CPM: variants seen among roughly 807,000 people sequenced by gnomAD.
CPM encodes the protein renal carboxypeptidase.
CPM carries 35 observed loss-of-function variants against 46.4 expected under a neutral mutation model. That is an observed-to-expected ratio of 0.75 (90% CI 0.58 to 1.00). The LOEUF is 1.00. Ranked by LOEUF, CPM falls within the 50% of genes least tolerant of loss-of-function variation. The pLI, the probability that CPM is intolerant of heterozygous loss-of-function variation, is 0.00. For synonymous variants in CPM, 195 were observed against 195.3 expected (o/e 1.00, Z 0.01); for missense variants, 422 against 530.4 (o/e 0.80, Z 2.01).
intron 2 of CPM, among the ~76,000 whole-genome samples, chr12:68,901,637 T>A (rs1021736124): frequency 1.1e-4 from 17 of 152,234 alleles, no homozygotes; most frequent in African/African-American, 4.1e-4. Context: ...CACTCAGTCA[T>A]TAATCTAGCA....
At position 68,855,525 on chromosome 12, in the gene CPM, C is replaced by T. The variant is rs1053750418; in HGVS notation, c.*912G>A. ...CTTAATTGACCTGTATGCTTTGAAG[C>T]TCTATAGAGACACAATCTTATCCCT... On this transcript the variant is annotated 3_prime_UTR_variant, in exon 9 of 9. Transcript: ENST00000551568. The T allele has an allele frequency of 6.6e-6, 1 of 152,090 alleles. No homozygotes were observed. The highest frequency in any genetic ancestry group is 1.5e-5 in the Non-Finnish European group (1 of 68,052). The allele number at this position is 152,090 out of a possible 1,614,324, so 9.4% of individuals were successfully genotyped here. A position where few individuals can be genotyped will look rare whatever the true frequency, so the allele number is the denominator to read the frequency against.
At chr12:68,889,797 C>T (rs538127000) in intron 2 of CPM, among the ~76,000 whole-genome samples, 3 of 152,282 alleles carry the variant, frequency 2.0e-5, no homozygotes, top group East Asian at 3.9e-4. Flanking sequence ...AGTCCCAAGG[C>T]GCAAGTCCAC....
upstream of CPM, chr12:68,963,303 G>A (rs1889153325): frequency 5.6e-6 from 1 of 177,444 alleles, no homozygotes; most frequent in Non-Finnish European, 1.1e-5. Context: ...CACTCCATCT[G>A]TTAAAGTTAC....
intron 2 of CPM, among the ~76,000 whole-genome samples, chr12:68,929,787 T>G (rs961429380): frequency 6.6e-6 from 1 of 152,132 alleles, no homozygotes. Flanking sequence ...ATCAAGAGGA[T>G]AGAATACTAA....
intron 2 of CPM, among the ~76,000 whole-genome samples, chr12:68,907,578 T>C (rs561727274): frequency 1.3e-5 from 2 of 152,298 alleles, no homozygotes; most frequent in East Asian, 1.9e-4. Flanking sequence ...ATGGTTTTAA[T>C]GACAAGGGAA....
In CPM at chr12:68,856,347, G is replaced by T; in HGVS notation, c.*90C>A. 10 of 1,398,436 alleles carry T rather than the reference G, an allele frequency of 7.2e-6. No individual in the cohort carries two copies. Among genetic ancestry groups the T allele is most frequent in the Non-Finnish European group, 9.8e-6 (10 of 1,022,820 alleles). The allele number at this position is 1,398,436 out of a possible 1,614,324, so 86.6% of individuals were successfully genotyped here. A position where few individuals can be genotyped will look rare whatever the true frequency, so the allele number is the denominator to read the frequency against. On this transcript the variant is annotated 3_prime_UTR_variant, in exon 9 of 9. Transcript: ENST00000551568. ...AGATCGTGGAGTTTCTCCAGTCAAG[G>T]TCCCACTAGAGTGAGTTAGGGTTGC...
chr12:68,874,896 T>C (rs560307032), intron 3 of CPM, among the ~76,000 whole-genome samples: 4 of 152,204 alleles, frequency 2.6e-5, no homozygotes, highest in South Asian at 4.1e-4. Context: ...CTCTCCAGCA[T>C]GCAAACAATC....
chr12:68,885,188 A>G (rs12819135), intron 3 of CPM, among the ~76,000 whole-genome samples: 1 of 152,100 alleles, frequency 6.6e-6, no homozygotes, highest in Non-Finnish European at 1.5e-5. Context: ...CAAGTGATCT[A>G]CCTGCCTTGG....
chr12:68,933,315 A>C (rs1592709446), upstream of CPM: 1 of 151,116 alleles, frequency 6.6e-6, no homozygotes, highest in East Asian at 2.0e-4. Flanking sequence ...CACCTAGGAG[A>C]GACGGCGCCC....
intron 7 of CPM, among the ~76,000 whole-genome samples, chr12:68,861,708 A>G (rs2136220096): frequency 6.6e-6 from 1 of 151,790 alleles, no homozygotes; most frequent in Admixed American, 6.6e-5. Context: ...TTGTATTTTT[A>G]GTAGAGACAG....
chr12:68,935,996 G>A (rs1318648907), upstream of CPM, among the ~76,000 whole-genome samples: 1 of 152,182 alleles, frequency 6.6e-6, no homozygotes, highest in Non-Finnish European at 1.5e-5. Context: ...ATGAGCTATA[G>A]TTGAAATTGC....
At chr12:68,883,710 G>A (rs936302789) in intron 3 of CPM, among the ~76,000 whole-genome samples, 1 of 152,050 alleles carries the variant, frequency 6.6e-6, no homozygotes, top group Non-Finnish European at 1.5e-5. Flanking sequence ...TCAGTTCTGA[G>A]GACTAATTTC....
chr12:68,881,879 C>T (rs1886204780), intron 3 of CPM, among the ~76,000 whole-genome samples: 2 of 151,782 alleles, frequency 1.3e-5, no homozygotes, highest in Admixed American at 6.6e-5. Context: ...CACAACTGCA[C>T]CCAGCTAATT....
chr12:68,932,061 A>T (rs1392233242), intron 2 of CPM, among the ~76,000 whole-genome samples: 1 of 152,236 alleles, frequency 6.6e-6, no homozygotes, highest in African/African-American at 2.4e-5. Flanking sequence ...GATACATTTT[A>T]AAAACAGCCT....
At chr12:68,919,787 T>C (rs1359367341) in intron 2 of CPM, among the ~76,000 whole-genome samples, 1 of 152,212 alleles carries the variant, frequency 6.6e-6, no homozygotes, top group Non-Finnish European at 1.5e-5. Context: ...AGATTATTCA[T>C]CTGAGTCCCA....
At chr12:68,957,570 T>A (rs1889042407) in intron 1 of CPM, 1 of 162,186 alleles carries the variant, frequency 6.2e-6, no homozygotes, top group Admixed American at 6.3e-5. Context: ...GAAGACTGAC[T>A]TTTCCTTCCA....
At chr12:68,903,841 C>T (rs1367807839) in intron 2 of CPM, among the ~76,000 whole-genome samples, 5 of 151,900 alleles carry the variant, frequency 3.3e-5, no homozygotes, top group Admixed American at 1.3e-4. Context: ...TCCGTCCCTC[C>T]GTCCCTCCCT....
intron 2 of CPM, among the ~76,000 whole-genome samples, chr12:68,886,311 A>C (rs1886423456): frequency 1.2e-5 from 1 of 85,418 alleles, no homozygotes; most frequent in Admixed American, 1.3e-4. Context: ...CTCGCAGTAC[A>C]AGGAAAGAAA....
intron 3 of CPM, among the ~76,000 whole-genome samples, chr12:68,883,613 A>T (rs939366576): frequency 6.6e-6 from 1 of 152,166 alleles, no homozygotes; most frequent in Admixed American, 6.5e-5. Flanking sequence ...AGACAACAAG[A>T]TGCCAGAAAT....
Sources: allele counts gnomAD v4.1 joint callset (sites outside exome capture counted in the v4.1 genomes callset), GRCh38; gene constraint gnomAD v4.1.1; transcripts MANE v1.5; gene names NCBI Gene and HGNC (gene_info 2026-07-23, HGNC 2026-07-21).